Variants in KHDRBS2 observed in about 807,000 individuals in gnomAD.
The protein encoded by KHDRBS2 is KH RNA binding domain containing, signal transduction associated 2.
Under a neutral mutation model 44.3 loss-of-function variants are expected in KHDRBS2, and 26 were observed. That is an observed-to-expected ratio of 0.59 (90% CI 0.43 to 0.81). The LOEUF is 0.81. Ranked by LOEUF, KHDRBS2 falls within the 40% of genes least tolerant of loss-of-function variation. KHDRBS2 has a pLI of 0.00. For missense variants in KHDRBS2, 476 were observed against 433.1 expected (o/e 1.10, Z -0.88); for synonymous variants, 194 against 151.1 (o/e 1.28, Z -2.08).
intron 8 of KHDRBS2, among the ~76,000 whole-genome samples, chr6:61,692,759 C>T (rs1767508080): frequency 6.6e-6 from 1 of 152,078 alleles, no homozygotes; most frequent in African/African-American, 2.4e-5. Flanking sequence ...CTTTGGAATG[C>T]AGAACCCTGC....
intron 1 of KHDRBS2, among the ~76,000 whole-genome samples, chr6:62,251,420 C>T (rs1836508658): frequency 6.6e-6 from 1 of 151,828 alleles, no homozygotes; most frequent in African/African-American, 2.4e-5. Flanking sequence ...CTTGCAATTT[C>T]CATCTAAGTT....
chr6:61,838,344 CAT>C (rs915983042), intron 6 of KHDRBS2, among the ~76,000 whole-genome samples: 1 of 151,692 alleles, frequency 6.6e-6, no homozygotes, highest in African/African-American at 2.4e-5. Flanking sequence ...AGGCCAAAGA[CAT>C]AAGAAAATTA....
At chr6:61,869,959 GGA>G (rs1798382697) in intron 6 of KHDRBS2, among the ~76,000 whole-genome samples, 1 of 92,682 alleles carries the variant, frequency 1.1e-5, no homozygotes, top group Non-Finnish European at 2.1e-5. Flanking sequence ...ACTAGCTGCA[GGA>G]GTGTTTTTTT....
chr6:62,054,628 T>C (rs56344019), intron 2 of KHDRBS2, among the ~76,000 whole-genome samples: 3,733 of 152,070 alleles, frequency 0.025, 165 homozygotes, highest in African/African-American at 0.084. Flanking sequence ...GGCAATAGCA[T>C]GGGCTCGAGG....
At chr6:62,065,901 C>T (rs1227970677) in intron 2 of KHDRBS2, among the ~76,000 whole-genome samples, 6 of 151,670 alleles carry the variant, frequency 4.0e-5, no homozygotes, top group Admixed American at 3.9e-4. Context: ...ATGTACCATT[C>T]ATTCTGCTAT....
the KHDRBS2 span, among the ~76,000 whole-genome samples, chr6:61,669,394 C>T: frequency 6.6e-6 from 1 of 150,506 alleles, no homozygotes; most frequent in African/African-American, 2.4e-5. Context: ...ATAAACATAC[C>T]TTATAGTACC....
chr6:62,103,304 C>T (rs1281998507), intron 2 of KHDRBS2, among the ~76,000 whole-genome samples: 2 of 152,120 alleles, frequency 1.3e-5, no homozygotes, highest in African/African-American at 2.4e-5. Flanking sequence ...CCCGGTTGTC[C>T]ACGTGAAGGG....
At chr6:62,077,561 CT>C (rs1052782625) in intron 2 of KHDRBS2, among the ~76,000 whole-genome samples, 6 of 152,110 alleles carry the variant, frequency 3.9e-5, no homozygotes, top group Non-Finnish European at 5.9e-5. Flanking sequence ...AGATAGGAGC[CT>C]TTTGTTGGGG....
At chr6:62,240,812 A>C (rs1241046393) in intron 1 of KHDRBS2, among the ~76,000 whole-genome samples, 2 of 149,620 alleles carry the variant, frequency 1.3e-5, no homozygotes, top group African/African-American at 4.9e-5. Context: ...TTCTCTTTCC[A>C]ACTCTGTCAT....
chr6:61,590,986 G>A, the KHDRBS2 span, among the ~76,000 whole-genome samples: 3 of 152,170 alleles, frequency 2.0e-5, no homozygotes, highest in Non-Finnish European at 2.9e-5. Context: ...ATAAGAAATT[G>A]CCACCATACA....
chr6:62,018,504 C>T (rs1315643929), intron 3 of KHDRBS2, among the ~76,000 whole-genome samples: 4 of 152,098 alleles, frequency 2.6e-5, no homozygotes, highest in Admixed American at 1.3e-4. Context: ...CCTGCCACCA[C>T]GCCCGGCTAA....
At chr6:61,992,488 A>G (rs932660982) in intron 3 of KHDRBS2, among the ~76,000 whole-genome samples, 3 of 152,164 alleles carry the variant, frequency 2.0e-5, no homozygotes, top group Non-Finnish European at 4.4e-5. Context: ...TCTAAATGAT[A>G]TTAGTTCTTA....
At chr6:61,772,455 A>T (rs1442965710) in intron 6 of KHDRBS2, among the ~76,000 whole-genome samples, 2 of 152,092 alleles carry the variant, frequency 1.3e-5, no homozygotes, top group African/African-American at 2.4e-5. Flanking sequence ...AATAAAATAG[A>T]CACAATAAAA....
At chr6:61,564,842 C>T in the KHDRBS2 span, among the ~76,000 whole-genome samples, 3 of 152,148 alleles carry the variant, frequency 2.0e-5, no homozygotes, top group Non-Finnish European at 2.9e-5. Flanking sequence ...CAAAGCAATC[C>T]TCAGCAAAAA....
chr6:62,070,481 C>T (rs1794763581), intron 2 of KHDRBS2, among the ~76,000 whole-genome samples: 1 of 151,578 alleles, frequency 6.6e-6, no homozygotes, highest in African/African-American at 2.4e-5. Flanking sequence ...TAATGCTATC[C>T]CTCCCCCCTC....
intron 2 of KHDRBS2, among the ~76,000 whole-genome samples, chr6:62,053,836 A>C (rs1789648579): frequency 6.6e-6 from 1 of 152,026 alleles, no homozygotes; most frequent in South Asian, 2.1e-4. Flanking sequence ...TGTTTTCATA[A>C]AAATATTAGA....
At chr6:62,230,056 G>A (rs1832647551) in intron 1 of KHDRBS2, among the ~76,000 whole-genome samples, 1 of 152,184 alleles carries the variant, frequency 6.6e-6, no homozygotes, top group South Asian at 2.1e-4. Flanking sequence ...TTCTAAAATT[G>A]CTGTAGCGGT....
chr6:61,894,635 A>G lies in KHDRBS2; in HGVS notation c.810T>C (p.Tyr270=). Reference sequence around the variant, plus strand: ...CAACTTATTTCTTAAGAGTACTTACATATTCTTCATAAGCTTCATGGGCTG... The same window carrying G: ...CAACTTATTTCTTAAGAGTACTTACGTATTCTTCATAAGCTTCATGGGCTG... ...PPPAHEAYEE[Y]GYDDGYGGEY... Residue 270 remains tyrosine (Y), a splice_region_variant and synonymous_variant, in exon 6 of 9, where the codon TAT becomes TAC. Transcript: ENST00000281156. The G allele has an allele frequency of 1.2e-6, 2 of 1,608,812 alleles. No homozygotes were observed. The highest frequency in any genetic ancestry group is 1.7e-5 in the Admixed American group (1 of 58,886).
intron 7 of KHDRBS2, among the ~76,000 whole-genome samples, chr6:61,720,944 T>C (rs1772376475): frequency 1.3e-5 from 2 of 150,944 alleles, no homozygotes; most frequent in Admixed American, 1.3e-4. Context: ...CCATCTTGAA[T>C]TGATTTTTGT....
Sources: gnomAD v4.1 joint callset for allele counts (sites outside exome capture counted in the v4.1 genomes callset) on GRCh38, gnomAD v4.1.1 for gene constraint, MANE v1.5 for transcripts, NCBI Gene and HGNC (gene_info 2026-07-23, HGNC 2026-07-21) for gene names.